Variants in DOCK8 observed in about 807,000 individuals in gnomAD.
DOCK8 encodes the protein dedicator of cytokinesis protein 8.
DOCK8 carries 141 observed loss-of-function variants against 245.6 expected under a neutral mutation model. The ratio of observed to expected loss-of-function variants is 0.57; its 90% CI spans 0.50 to 0.66. The LOEUF is 0.66. DOCK8 is among the 30% of genes least tolerant of loss of function. The pLI is 0.00. For synonymous variants in DOCK8, 1,168 were observed against 970.2 expected, an observed-to-expected ratio of 1.20 and a Z score of -3.79; for missense variants, 2,965 against 2,603.4, an observed-to-expected ratio of 1.14 and a Z score of -3.02.
At chr9:304,731 C>G in intron 5 of DOCK8, 27 bp downstream of exon 5, 3 of 1,613,976 alleles carry the variant, frequency 1.9e-6, no homozygotes, top group Non-Finnish European at 2.5e-6. Context: ...AACATGGTTA[C>G]CAGGTTACTG....
At chr9:425,761 GAAAA>G (rs375380501) in intron 33 of DOCK8, among the ~76,000 whole-genome samples, 11 of 101,134 alleles carry the variant, frequency 1.1e-4, no homozygotes, top group South Asian at 6.4e-4. Flanking sequence ...TGTCTCTAAG[GAAAA>G]AAAAAAAAAA....
In DOCK8 at chr9:235,245, T is replaced by C. The variant is rs542778242; in HGVS notation, c.53+20216T>C. On this transcript the variant is annotated intron_variant, in intron 1 of 47. Transcript: ENST00000432829. ...TGAACCGCAAATGCTGCTGCCTGAT[T>C]GTTCCTCTGGAAGTTTTGTGTCAGA... Among the ~76,000 whole-genome samples the C allele has an allele frequency of 3.9e-4, 60 of 152,246 alleles. 1 individual carries two copies. Among genetic ancestry groups the C allele is most frequent in the Middle Eastern group, 6.8e-3 (2 of 294 alleles).
At position 429,812 on chromosome 9, in the gene DOCK8, C is replaced by T. The variant is rs769677252; in HGVS notation, c.4584C>T (p.Ala1528=). 1.9e-6 allele frequency: 3 copies of T among 1,614,184 alleles called. No homozygotes were observed. The highest frequency in any genetic ancestry group is 1.7e-6 in the Non-Finnish European group (2 of 1,180,038). ...ATGTCACCCGGAGCCAAGCCTGTGC[C>T]ACCCTTTACCTCCTCATGAGGTTCA... is the stretch of plus-strand genomic sequence containing the variant. ...SMDVTRSQAC[A]TLYLLMRFSF... Residue 1528 remains alanine, a synonymous_variant, in exon 36 of 48, where the codon GCC becomes GCT. Transcript: ENST00000432829.
chr9:268,770 G>A lies in DOCK8; in HGVS notation c.54-2857G>A, dbSNP rs533492781. Among the ~76,000 whole-genome samples, 82 of 152,296 alleles carry A rather than the reference G, an allele frequency of 5.4e-4. 1 individual carries two copies. The highest frequency in any genetic ancestry group is 1.9e-3 in the African/African-American group (78 of 41,564). ...GGCTTGGTTGTGTTGGCCCTCCATG[G>A]CTTATGATCCTCTTTCAAGTAAGCA... On this transcript the variant is annotated intron_variant, in intron 1 of 47. Coordinates refer to ENST00000432829, the MANE Select transcript of DOCK8 (RefSeq NM_203447.4).
chr9:355,077 G>C (rs892093864), intron 14 of DOCK8, among the ~76,000 whole-genome samples: 2 of 152,126 alleles, frequency 1.3e-5, no homozygotes, highest in Non-Finnish European at 2.9e-5. Context: ...CATTGAACTG[G>C]GAGGAATATG....
At chr9:422,993 A>G (rs1311524679) in intron 33 of DOCK8, among the ~76,000 whole-genome samples, 2 of 151,830 alleles carry the variant, frequency 1.3e-5, no homozygotes, top group Non-Finnish European at 2.9e-5. Context: ...TCAAAAAAAA[A>G]AAAAAAAAAA....
chr9:417,238 G>A (rs1009415291), intron 29 of DOCK8, among the ~76,000 whole-genome samples: 12 of 152,256 alleles, frequency 7.9e-5, no homozygotes, highest in African/African-American at 2.9e-4. Flanking sequence ...AGCGGAGATG[G>A]CGCCACTGCA....
chr9:338,489 C>A (rs747864372), intron 12 of DOCK8, among the ~76,000 whole-genome samples: 1 of 152,146 alleles, frequency 6.6e-6, no homozygotes, highest in South Asian at 2.1e-4. Flanking sequence ...TACCCACTTA[C>A]CTTACTGGGT....
intron 20 of DOCK8, among the ~76,000 whole-genome samples, chr9:379,156 G>A (rs2053635150): frequency 6.6e-6 from 1 of 152,126 alleles, no homozygotes. Flanking sequence ...GCCAAAAAGG[G>A]TACAAGGTTA....
At chr9:420,087 G>C (rs955276546) in intron 30 of DOCK8, 3 of 423,450 alleles carry the variant, frequency 7.1e-6, no homozygotes, top group African/African-American at 4.0e-5. Context: ...CAGCACGCAT[G>C]ATCAAGGCCC....
At chr9:292,997 T>A (rs1321259158) in intron 4 of DOCK8, among the ~76,000 whole-genome samples, 1 of 152,160 alleles carries the variant, frequency 6.6e-6, no homozygotes, top group African/African-American at 2.4e-5. Flanking sequence ...TGCATCTTGT[T>A]CCCCTAAAAA....
intron 1 of DOCK8, among the ~76,000 whole-genome samples, chr9:260,767 T>C (rs774957616): frequency 2.0e-5 from 3 of 152,200 alleles, no homozygotes; most frequent in Non-Finnish European, 2.9e-5. Flanking sequence ...ATTATGTATT[T>C]ATCTATTAAG....
chr9:361,653 T>C (rs1266891955), intron 14 of DOCK8, among the ~76,000 whole-genome samples: 2 of 152,204 alleles, frequency 1.3e-5, no homozygotes, highest in Non-Finnish European at 2.9e-5. Flanking sequence ...TTACAGGTGC[T>C]ACTAAGATGC....
intron 1 of DOCK8, among the ~76,000 whole-genome samples, chr9:231,681 A>G (rs1263457615): frequency 6.6e-6 from 1 of 152,180 alleles, no homozygotes; most frequent in Non-Finnish European, 1.5e-5. Context: ...GAGTTCACTC[A>G]TGATTTGGCT....
intron 2 of DOCK8, among the ~76,000 whole-genome samples, chr9:282,215 C>T (rs73374573): frequency 0.014 from 2,178 of 152,116 alleles, 58 homozygotes; most frequent in African/African-American, 0.05. Flanking sequence ...CCTCTGTATC[C>T]CCAGTGGCCA....
intron 14 of DOCK8, among the ~76,000 whole-genome samples, chr9:347,242 A>G (rs1484527021): frequency 6.6e-6 from 1 of 152,106 alleles, no homozygotes; most frequent in African/African-American, 2.4e-5. Flanking sequence ...AGCGGCTCAC[A>G]CCTGCAATCC....
chr9:310,131 G>C (rs1381272699), intron 5 of DOCK8, among the ~76,000 whole-genome samples: 1 of 152,130 alleles, frequency 6.6e-6, no homozygotes, highest in Non-Finnish European at 1.5e-5. Flanking sequence ...GCCAGGCGTG[G>C]TGGCGCGTGC....
chr9:283,864 G>A (rs906423152), intron 2 of DOCK8, among the ~76,000 whole-genome samples: 4 of 152,130 alleles, frequency 2.6e-5, no homozygotes, highest in African/African-American at 9.7e-5. Flanking sequence ...TCCATCCCGT[G>A]GATGTCTCAT....
intron 14 of DOCK8, among the ~76,000 whole-genome samples, chr9:363,658 C>G (rs2052840532): frequency 2.6e-5 from 4 of 152,116 alleles, no homozygotes; most frequent in African/African-American, 9.7e-5. Flanking sequence ...TGTTAGTTTC[C>G]TGACCTTCAA....
Sources: allele counts gnomAD v4.1 joint callset (sites outside exome capture counted in the v4.1 genomes callset), GRCh38; gene constraint gnomAD v4.1.1; transcripts MANE v1.5; gene names NCBI Gene and HGNC (gene_info 2026-07-23, HGNC 2026-07-21).